Variants in GSKIP observed in about 807,000 individuals in gnomAD.
The protein encoded by GSKIP is GSK3B-interacting protein.
In GSKIP, 5 loss-of-function variants were observed where a neutral mutation model predicts 11.9. The ratio of observed to expected loss-of-function variants is 0.42; its 90% CI spans 0.22 to 0.89. GSKIP has a LOEUF of 0.89. Among genes scored for constraint, GSKIP ranks in the 40% least tolerant of loss-of-function variants. The pLI, the probability that GSKIP is intolerant of heterozygous loss-of-function variation, is 0.29. For synonymous variants in GSKIP, 70 were observed against 62.9 expected, an observed-to-expected ratio of 1.11 and a Z score of -0.54; for missense variants, 150 against 166.6, an observed-to-expected ratio of 0.90 and a Z score of 0.55.
chr14:96,369,332 C>T (rs2139929427), intron 1 of GSKIP, among the ~76,000 whole-genome samples: 1 of 152,266 alleles, frequency 6.6e-6, no homozygotes, highest in Middle Eastern at 3.4e-3. Context: ...AATATGCAGC[C>T]TGGCCTTGTG....
At chr14:96,369,356 G>T (rs1888983207) in intron 1 of GSKIP, among the ~76,000 whole-genome samples, 1 of 152,222 alleles carries the variant, frequency 6.6e-6, no homozygotes, top group Admixed American at 6.5e-5. Context: ...AAGAAGGAAA[G>T]AGCATTTTCA....
At chr14:96,368,984 T>G (rs1888973576) in intron 1 of GSKIP, among the ~76,000 whole-genome samples, 1 of 152,216 alleles carries the variant, frequency 6.6e-6, no homozygotes, top group Non-Finnish European at 1.5e-5. Flanking sequence ...TAGAGATTGG[T>G]TAAATGGTTG....
intron 1 of GSKIP, among the ~76,000 whole-genome samples, chr14:96,379,410 G>T (rs1889287431): frequency 6.6e-6 from 1 of 152,182 alleles, no homozygotes; most frequent in Non-Finnish European, 1.5e-5. Context: ...ACTTTACTTA[G>T]TACGGGAAGG....
intron 1 of GSKIP, among the ~76,000 whole-genome samples, chr14:96,372,672 T>G (rs1320025507): frequency 1.3e-5 from 2 of 152,214 alleles, no homozygotes; most frequent in Non-Finnish European, 2.9e-5. Flanking sequence ...ACAAATATGG[T>G]GAGCCTGTTG....
rs894519415 is a variant in GSKIP at position 96,385,926 on chromosome 14, A to G, written c.*242A>G. ...TTAAGACATTCACATGTCTTCATAT[A>G]ATATCTCTTCATTTCAAATCCTAAT... is the stretch of plus-strand genomic sequence containing the variant. On this transcript the variant is annotated 3_prime_UTR_variant, in exon 4 of 4. Coordinates refer to ENST00000555181, the MANE Select transcript of GSKIP (RefSeq NM_016472.5). 6 of 396,224 alleles carry G rather than the reference A, an allele frequency of 1.5e-5. No homozygotes were observed. Among genetic ancestry groups the G allele is most frequent in the Admixed American group, 8.4e-5 (2 of 23,868 alleles). The allele number at this position is 396,224 out of a possible 1,614,324, so 24.5% of individuals were successfully genotyped here.
intron 1 of GSKIP, among the ~76,000 whole-genome samples, chr14:96,368,013 TA>T (rs1888940042): frequency 1.3e-5 from 2 of 152,206 alleles, no homozygotes; most frequent in African/African-American, 4.8e-5. Flanking sequence ...GAATGTACTT[TA>T]AATATAGTGC....
chr14:96,371,188 A>G (rs1448039499), intron 1 of GSKIP, among the ~76,000 whole-genome samples: 2 of 152,202 alleles, frequency 1.3e-5, no homozygotes, highest in African/African-American at 4.8e-5. Flanking sequence ...AACTTTATTC[A>G]TCTTTACTTT....
intron 1 of GSKIP, among the ~76,000 whole-genome samples, chr14:96,375,202 C>A (rs1044323518): frequency 6.6e-6 from 1 of 151,484 alleles, no homozygotes; most frequent in African/African-American, 2.4e-5. Flanking sequence ...AAAATAGAAT[C>A]CTAAAAAGTG....
rs1889478857 is a variant in GSKIP, at chr14:96,385,917, T to A, written c.*233T>A. 2.3e-6 allele frequency: 1 copy of A among 426,388 alleles called. No individual in the cohort carries two copies. Among genetic ancestry groups the A allele is most frequent in the Non-Finnish European group, 4.3e-6 (1 of 235,206 alleles). 26.4% of individuals were successfully genotyped at this position (426,388 alleles called of 1,614,324 possible). A position where few individuals can be genotyped will look rare whatever the true frequency, so the allele number is the denominator to read the frequency against. On this transcript the variant is annotated 3_prime_UTR_variant, in exon 4 of 4. Coordinates refer to ENST00000555181, the MANE Select transcript of GSKIP (RefSeq NM_016472.5). The stretch of plus-strand genomic sequence containing the variant: ...ATACCATCATTAAGACATTCACATG[T>A]CTTCATATAATATCTCTTCATTTCA...
intron 1 of GSKIP, chr14:96,364,177 C>T (rs1888793184): frequency 6.6e-6 from 1 of 152,324 alleles, no homozygotes; most frequent in Admixed American, 6.5e-5. Context: ...GAGGTAACTC[C>T]TGCAGAGGCG....
intron 2 of GSKIP, among the ~76,000 whole-genome samples, chr14:96,380,993 G>A (rs1486821118): frequency 6.6e-6 from 1 of 152,216 alleles, no homozygotes; most frequent in East Asian, 1.9e-4. Context: ...ATATGTGAGT[G>A]AGTGAAGAGT....
At chr14:96,381,617 A>G (rs561346775) in intron 2 of GSKIP, among the ~76,000 whole-genome samples, 1 of 152,214 alleles carries the variant, frequency 6.6e-6, no homozygotes, top group African/African-American at 2.4e-5. Flanking sequence ...GCTTATTGCA[A>G]CTGTATGATC....
At chr14:96,368,690 G>C (rs903385614) in intron 1 of GSKIP, among the ~76,000 whole-genome samples, 1 of 152,002 alleles carries the variant, frequency 6.6e-6, no homozygotes, top group South Asian at 2.1e-4. Context: ...CTTTCTCTCT[G>C]TATCTCTCTG....
intron 1 of GSKIP, among the ~76,000 whole-genome samples, chr14:96,371,235 T>A (rs925653174): frequency 1.3e-5 from 2 of 152,212 alleles, no homozygotes; most frequent in African/African-American, 4.8e-5. Context: ...AATTCAGAAC[T>A]CTTGTTTTAT....
At chr14:96,377,859 T>C (rs1340587925) in intron 1 of GSKIP, among the ~76,000 whole-genome samples, 3 of 152,194 alleles carry the variant, frequency 2.0e-5, no homozygotes, top group African/African-American at 7.2e-5. Flanking sequence ...CTTGCCAACC[T>C]TGAGATGGTG....
At chr14:96,376,436 C>G (rs887177009) in intron 1 of GSKIP, among the ~76,000 whole-genome samples, 6 of 152,152 alleles carry the variant, frequency 3.9e-5, no homozygotes, top group Non-Finnish European at 8.8e-5. Flanking sequence ...TTTGACTGAC[C>G]TGTACCCTTA....
chr14:96,368,462 A>G (rs1255082025), intron 1 of GSKIP, among the ~76,000 whole-genome samples: 12 of 152,244 alleles, frequency 7.9e-5, no homozygotes, highest in Non-Finnish European at 1.5e-5. Flanking sequence ...GAGCCACAGC[A>G]CCCAGCCAGT....
chr14:96,374,357 A>G (rs1889139575), intron 1 of GSKIP, among the ~76,000 whole-genome samples: 1 of 152,106 alleles, frequency 6.6e-6, no homozygotes, highest in African/African-American at 2.4e-5. Context: ...TGAAGAAATA[A>G]TGGCCAGAAA....
chr14:96,385,819 G>T lies in GSKIP; in HGVS notation c.*135G>T. On this transcript the variant is annotated 3_prime_UTR_variant, in exon 4 of 4. Transcript: ENST00000555181. ...CACTTGCTTCCAACTTAGGCTTTTG[G>T]CTCAGAAGATTATTGAATAATGATT... 2 of 638,730 alleles carry T rather than the reference G, an allele frequency of 3.1e-6. No homozygotes were observed. The highest frequency in any genetic ancestry group is 5.2e-6 in the Non-Finnish European group (2 of 384,666). The allele number at this position is 638,730 out of a possible 1,614,324, so 39.6% of individuals were successfully genotyped here.
Sources: allele counts gnomAD v4.1 joint callset (sites outside exome capture counted in the v4.1 genomes callset), GRCh38; gene constraint gnomAD v4.1.1; transcripts MANE v1.5; gene names NCBI Gene and HGNC (gene_info 2026-07-23, HGNC 2026-07-21).